The following IL1RAPL1 variants were observed in gnomAD, a reference collection of about 807,000 sequenced individuals.
IL1RAPL1 encodes interleukin-1 receptor accessory protein-like 1.
In IL1RAPL1, 3 loss-of-function variants were observed where a neutral mutation model predicts 48.4. That is an observed-to-expected ratio of 0.06 (90% confidence interval 0.03 to 0.16). The LOEUF (loss-of-function observed/expected upper bound fraction) is 0.16. IL1RAPL1 is among the 10% of genes least tolerant of loss of function. IL1RAPL1 has a pLI of 1.00. For synonymous variants in IL1RAPL1, 185 were observed against 187.7 expected (o/e 0.99, Z 0.12); for missense variants, 349 against 530.6 (o/e 0.66, Z 3.36).
chrX:28,935,513 A>C (rs1923994810), intron 2 of IL1RAPL1, among the ~76,000 whole-genome samples: 1 of 111,661 alleles, frequency 9.0e-6, no homozygotes, highest in South Asian at 3.7e-4. Context: ...GTACCACACT[A>C]TTTTGATTAT....
intron 6 of IL1RAPL1, among the ~76,000 whole-genome samples, chrX:29,710,786 A>G (rs1857277009): frequency 9.3e-6 from 1 of 107,421 alleles, no homozygotes; most frequent in Non-Finnish European, 1.9e-5. Context: ...ATACCTTACT[A>G]TATTTACTAA....
At chrX:29,608,364 T>C (rs1462873188) in intron 5 of IL1RAPL1, among the ~76,000 whole-genome samples, 4 of 102,674 alleles carry the variant, frequency 3.9e-5, no homozygotes, top group Admixed American at 2.1e-4. Flanking sequence ...ATAAAGTAGG[T>C]ATTACCATCA....
intron 2 of IL1RAPL1, among the ~76,000 whole-genome samples, chrX:29,165,090 G>A (rs757066632): frequency 8.9e-6 from 1 of 112,003 alleles, no homozygotes; most frequent in Non-Finnish European, 1.9e-5. Flanking sequence ...GGGCCGAGGC[G>A]GGTGGATCAC....
At chrX:29,264,998 C>T (rs998784620) in intron 2 of IL1RAPL1, among the ~76,000 whole-genome samples, 27 of 111,456 alleles carry the variant, frequency 2.4e-4, no homozygotes, top group Non-Finnish European at 4.1e-4. Context: ...CTGCAACCTC[C>T]GCCTCCCGGG....
chrX:29,745,431 GTT>G (rs752527354), intron 6 of IL1RAPL1, among the ~76,000 whole-genome samples: 1 of 24,744 alleles, frequency 4.0e-5, no homozygotes, highest in Non-Finnish European at 6.7e-5. Flanking sequence ...AGTTTTTTGT[GTT>G]TTTTTTTTTT....
At chrX:29,237,063 G>T (rs142440732) in intron 2 of IL1RAPL1, among the ~76,000 whole-genome samples, 1,556 of 110,968 alleles carry the variant, frequency 0.014, 26 homozygotes, top group African/African-American at 0.048. Context: ...ACAAATTCAT[G>T]CTCACAGCCC....
chrX:29,874,857 C>CA (rs934334066), intron 6 of IL1RAPL1, among the ~76,000 whole-genome samples: 9 of 111,594 alleles, frequency 8.1e-5, no homozygotes, highest in Non-Finnish European at 1.3e-4. Context: ...AAATTTCCAC[C>CA]AAAAAAAATT....
At chrX:28,736,267 A>C (rs1447107058) in intron 1 of IL1RAPL1, among the ~76,000 whole-genome samples, 2 of 110,139 alleles carry the variant, frequency 1.8e-5, no homozygotes, top group Non-Finnish European at 3.8e-5. Flanking sequence ...CCCCGTCTCT[A>C]CTAAAAAATA....
chrX:29,398,782 A>G (rs993782553), intron 4 of IL1RAPL1, among the ~76,000 whole-genome samples: 8 of 112,150 alleles, frequency 7.1e-5, no homozygotes, highest in African/African-American at 2.6e-4. Context: ...GAAATGTGAA[A>G]TATCTGTTTC....
intron 6 of IL1RAPL1, among the ~76,000 whole-genome samples, chrX:29,895,044 G>C (rs1010391532): frequency 9.2e-6 from 1 of 108,305 alleles, no homozygotes; most frequent in Admixed American, 9.9e-5. Context: ...GGCTGGTCTC[G>C]AACTCCTGAC....
chrX:29,840,182 C>T (rs181952368), intron 6 of IL1RAPL1, among the ~76,000 whole-genome samples: 1 of 111,528 alleles, frequency 9.0e-6, no homozygotes, highest in African/African-American at 3.3e-5. Context: ...ATCAGAAAAG[C>T]CCGTAAATTG....
intron 5 of IL1RAPL1, among the ~76,000 whole-genome samples, chrX:29,447,684 CTT>C (rs1372542690): frequency 1.8e-5 from 2 of 111,984 alleles, no homozygotes; most frequent in African/African-American, 3.2e-5. Flanking sequence ...GATGTCGAAA[CTT>C]AGAATAATTT....
intron 2 of IL1RAPL1, among the ~76,000 whole-genome samples, chrX:28,898,964 A>G (rs1355664079): frequency 1.8e-5 from 2 of 111,412 alleles, no homozygotes; most frequent in Admixed American, 9.6e-5. Flanking sequence ...GTATTAGTCC[A>G]TTTTCACACT....
At chrX:29,427,528 T>C (rs761429603) in intron 5 of IL1RAPL1, among the ~76,000 whole-genome samples, 44 of 111,506 alleles carry the variant, frequency 3.9e-4, no homozygotes, top group African/African-American at 1.3e-3. Context: ...GTGCTACTGA[T>C]TGGCTGGGAA....
chrX:28,855,527 G>A (rs1564642), intron 2 of IL1RAPL1, among the ~76,000 whole-genome samples: 57,087 of 109,996 alleles, frequency 0.52, 12,392 homozygotes, highest in African/African-American at 0.82. Flanking sequence ...TTTAATTTTT[G>A]TGGGTACATA....
At chrX:29,334,779 C>T (rs1335867928) in intron 3 of IL1RAPL1, among the ~76,000 whole-genome samples, 1 of 112,713 alleles carries the variant, frequency 8.9e-6, no homozygotes, top group Non-Finnish European at 1.9e-5. Flanking sequence ...AGAGACGCTC[C>T]TCACTTTCCA....
chrX:29,407,199 T>C (rs905020794), intron 5 of IL1RAPL1, among the ~76,000 whole-genome samples: 1 of 111,611 alleles, frequency 9.0e-6, no homozygotes, highest in Non-Finnish European at 1.9e-5. Flanking sequence ...GTAGGCCCCA[T>C]AGAAGCCCCC....
At chrX:29,363,452 AAGG>A (rs1418312417) in intron 3 of IL1RAPL1, among the ~76,000 whole-genome samples, 3 of 111,875 alleles carry the variant, frequency 2.7e-5, no homozygotes, top group Non-Finnish European at 5.6e-5. Context: ...TAAACAGAGA[AAGG>A]AGAATTTTTG....
At chrX:29,516,272 T>C (rs1028388613) in intron 5 of IL1RAPL1, among the ~76,000 whole-genome samples, 3 of 112,389 alleles carry the variant, frequency 2.7e-5, no homozygotes, top group African/African-American at 9.7e-5. Flanking sequence ...TTTACCTATG[T>C]ATTCTTAAAA....
Sources: allele counts gnomAD v4.1 joint callset (sites outside exome capture counted in the v4.1 genomes callset), GRCh38; gene constraint gnomAD v4.1.1; transcripts MANE v1.5; gene names NCBI Gene and HGNC (gene_info 2026-07-23, HGNC 2026-07-21).